LRCH3: variants seen among roughly 807,000 people sequenced by gnomAD.
LRCH3 encodes the protein leucine rich repeats and calponin homology domain containing 3, also known as DISP complex protein LRCH3.
A neutral mutation model predicts 104.5 loss-of-function variants in LRCH3; 68 were observed. The observed-to-expected ratio is 0.65, with a 90% CI of 0.54 to 0.80. The LOEUF is 0.80. Ranked by LOEUF, LRCH3 falls within the 30% of genes least tolerant of loss-of-function variation. LRCH3 has a pLI of 0.00. For missense variants in LRCH3, 951 were observed against 953.9 expected (o/e 1.00, Z 0.04); for synonymous variants, 344 against 361.3 (o/e 0.95, Z 0.54).
chr3:197,844,688 A>G (rs890047438), intron 10 of LRCH3, among the ~76,000 whole-genome samples: 6 of 151,200 alleles, frequency 4.0e-5, no homozygotes, highest in Admixed American at 6.6e-5. Context: ...CGCGATCTTG[A>G]CTCACTGCAA....
At chr3:197,879,525 A>G (rs762078983) in intron 20 of LRCH3, among the ~76,000 whole-genome samples, 10 of 151,728 alleles carry the variant, frequency 6.6e-5, no homozygotes, top group Non-Finnish European at 1.3e-4. Flanking sequence ...GGGCGCCTGT[A>G]GTCCCAGCTG....
In LRCH3 at chr3:197,791,276, G is replaced by T; in HGVS notation, c.-3G>T. On this transcript the variant is annotated 5_prime_UTR_variant, in exon 1 of 21. Transcript: ENST00000425562. ...GGCGGGCCCGAGTGTTGTCGGCTGG[G>T]AAATGGCGGCCGCGGGCTTGGTCGC... 1 of 1,608,588 alleles carries T rather than the reference G, an allele frequency of 6.2e-7. No individual in the cohort carries two copies.
intron 12 of LRCH3, 179 bp downstream of exon 12, chr3:197,848,200 G>A (rs1052335884): frequency 7.2e-5 from 42 of 582,466 alleles, no homozygotes; most frequent in Admixed American, 6.7e-4. Flanking sequence ...CAGAACAAGT[G>A]ATTATCTTGT....
chr3:197,791,945 G>A (rs941479909), intron 1 of LRCH3, among the ~76,000 whole-genome samples: 1 of 152,132 alleles, frequency 6.6e-6, no homozygotes, highest in African/African-American at 2.4e-5. Context: ...AGGGGTGTCT[G>A]GACGAGCTGC....
In LRCH3 at chr3:197,830,432, A is replaced by G. The variant is rs929065723; in HGVS notation, c.888-338A>G. Among the ~76,000 whole-genome samples the G allele has an allele frequency of 2.6e-5, 4 of 152,228 alleles. No individual in the cohort carries two copies. The East Asian group carries it at 5.8e-4, about 22-fold the overall frequency. On this transcript the variant is annotated intron_variant, in intron 6 of 20. Transcript: ENST00000425562. ...TTTCAGTCAAAGTGAAGTAATGTTT[A>G]TGGACTTTACTCAAAAGAGAACCTC...
chr3:197,870,470 A>G lies in LRCH3; in HGVS notation c.1992+192A>G, dbSNP rs563504506. Among the ~76,000 whole-genome samples the G allele has an allele frequency of 9.2e-5, 14 of 152,156 alleles. No individual in the cohort carries two copies. In the South Asian group the frequency reaches 1.0e-3, roughly 11 times the overall value. ...AGCCTATGCCTCGTGGGTTCAAGCA[A>G]TTCTTCTGCCTCAGCCTCCTGAGTC... is the stretch of plus-strand genomic sequence containing the variant. On this transcript the variant is annotated intron_variant, in intron 18 of 20. Coordinates refer to ENST00000425562, the MANE Select transcript of LRCH3 (RefSeq NM_001365715.1).
intron 1 of LRCH3, among the ~76,000 whole-genome samples, chr3:197,809,278 A>G (rs1192564083): frequency 1.3e-5 from 2 of 151,942 alleles, no homozygotes; most frequent in African/African-American, 4.8e-5. Flanking sequence ...AGCTGGGGTA[A>G]CAGAGTGAGA....
At chr3:197,842,379 A>G (rs9942138) in intron 10 of LRCH3, among the ~76,000 whole-genome samples, 5,579 of 152,236 alleles carry the variant, frequency 0.037, 354 homozygotes, top group African/African-American at 0.13. Flanking sequence ...ATTCGAACCT[A>G]AAAAGACACA....
chr3:197,858,848 G>T lies in LRCH3; in HGVS notation c.1659G>T (p.Leu553Phe). 6.2e-7 allele frequency: 1 copy of T among 1,613,842 alleles called. No individual in the cohort carries two copies. Among genetic ancestry groups the T allele is most frequent in the Non-Finnish European group, 8.5e-7 (1 of 1,179,764 alleles). ...TTGAAATGTAGTCGCTGTCAGGGTT[G>T]AATCAAGTGGGCTGTGCTGCTACCC... The part of the protein sequence containing the change: ...DSALCMSLSG[L>F]NQVGCAATLP... The change falls in exon 15 of 21, where the codon TTG (leucine) becomes TTT (phenylalanine). Residue 553 changes from leucine to phenylalanine, a missense_variant. Leu to Phe is a conservative substitution (Grantham distance 22). Transcript: ENST00000425562.
chr3:197,854,372 A>G lies in LRCH3; in HGVS notation c.1591-20A>G, dbSNP rs758477994. On this transcript the variant is annotated intron_variant, in intron 13 of 20. Coordinates refer to ENST00000425562, the MANE Select transcript of LRCH3 (RefSeq NM_001365715.1). The surrounding 1 kb of genome is among the most constrained non-coding windows in gnomAD (Gnocchi z 4.5). ...CGTAGTTTGTTTCTGACATGGCTTC[A>G]TTTTTCTCCATCTCTCCAGTGCCCC... The G allele has an allele frequency of 1.2e-5, 20 of 1,612,830 alleles. No individual in the cohort carries two copies. The highest frequency in any genetic ancestry group is 1.6e-5 in the Non-Finnish European group (19 of 1,178,850).
At position 197,826,769 on chromosome 3, in the gene LRCH3, G is replaced by T. The variant is rs1050907742; in HGVS notation, c.641-109G>T. On this transcript the variant is annotated intron_variant, in intron 4 of 20. Transcript: ENST00000425562. ...TTGCTACCAGTTAATCACTAAAAGA[G>T]AATGGGAGTAAATATCTATGTTAAA... 5.2e-6 allele frequency: 7 copies of T among 1,344,232 alleles called. No individual in the cohort carries two copies. The African/African-American group carries it at 8.8e-5, about 17-fold the overall frequency. 83.3% of individuals were successfully genotyped at this position (1,344,232 alleles called of 1,614,324 possible). A position where few individuals can be genotyped will look rare whatever the true frequency, so the allele number is the denominator to read the frequency against.
chr3:197,873,329 G>A (rs897541285), intron 19 of LRCH3, among the ~76,000 whole-genome samples: 3 of 152,206 alleles, frequency 2.0e-5, no homozygotes, highest in Non-Finnish European at 2.9e-5. Flanking sequence ...ACTTACAGAT[G>A]TAATATACTT....
chr3:197,835,444 C>T (rs1736634564), intron 8 of LRCH3, among the ~76,000 whole-genome samples: 1 of 149,994 alleles, frequency 6.7e-6, no homozygotes, highest in Admixed American at 6.7e-5. Context: ...ACCTCCACCT[C>T]CCAAAGTGCT....
chr3:197,874,097 G>A (rs1238720922), intron 19 of LRCH3, among the ~76,000 whole-genome samples: 1 of 151,986 alleles, frequency 6.6e-6, no homozygotes, highest in Admixed American at 6.6e-5. Flanking sequence ...TGAACTATGG[G>A]TAATTAATTT....
intron 10 of LRCH3, among the ~76,000 whole-genome samples, chr3:197,844,086 G>A (rs775628347): frequency 4.6e-5 from 7 of 152,330 alleles, no homozygotes; most frequent in Non-Finnish European, 1.0e-4. Flanking sequence ...CATTATGGAT[G>A]TCTAGGGGTG....
At chr3:197,807,749 A>T (rs1188478695) in intron 1 of LRCH3, among the ~76,000 whole-genome samples, 2 of 151,894 alleles carry the variant, frequency 1.3e-5, no homozygotes, top group Non-Finnish European at 2.9e-5. Flanking sequence ...TTTTGAGTGT[A>T]TCTCTTTGTG....
chr3:197,830,677 C>A (rs1298762715), intron 6 of LRCH3, 93 bp from the exon 7 acceptor site: 1 of 988,896 alleles, frequency 1.0e-6, no homozygotes, highest in Non-Finnish European at 1.6e-6. Flanking sequence ...GTGACTGCCA[C>A]ATTTCTTGTT....
intron 1 of LRCH3, among the ~76,000 whole-genome samples, chr3:197,805,561 C>T (rs1450239003): frequency 6.7e-6 from 1 of 148,620 alleles, no homozygotes; most frequent in Non-Finnish European, 1.5e-5. Context: ...GGGGGACACG[C>T]CTCCAAACTG....
chr3:197,883,187 C>T lies in LRCH3; in HGVS notation c.2209-354C>T, dbSNP rs1713935055. 1.0e-6 allele frequency: 1 copy of T among 994,624 alleles called. No homozygotes were observed. The highest frequency in any genetic ancestry group is 1.2e-6 in the Non-Finnish European group (1 of 836,208). The allele number at this position is 994,624 out of a possible 1,614,324, so 61.6% of individuals were successfully genotyped here. On this transcript the variant is annotated intron_variant, in intron 20 of 20. Transcript: ENST00000425562. The surrounding 1 kb of genome is among the most constrained non-coding windows in gnomAD (Gnocchi z 4.2). ...CGTGGAATTGTTTTTCTATTTTTCA[C>T]CTGCCTATTTTATAGACCTGTATTG...
Sources: allele counts gnomAD v4.1 joint callset (sites outside exome capture counted in the v4.1 genomes callset), GRCh38; gene constraint gnomAD v4.1.1; non-coding constraint Gnocchi (gnomAD v3.1); transcripts MANE v1.5; gene names NCBI Gene and HGNC (gene_info 2026-07-23, HGNC 2026-07-21).